REDIC1: variants seen among roughly 807,000 people sequenced by gnomAD.
REDIC1 encodes the protein HEI10 Interacting Protein 1.
At chr12:39,831,658 T>C in the REDIC1 span, among the ~76,000 whole-genome samples, 4 of 152,076 alleles carry the variant, frequency 2.6e-5, no homozygotes, top group Non-Finnish European at 5.9e-5. Flanking sequence ...TATTGAATCA[T>C]GGGGGAAAGA....
chr12:39,808,437 T>C, the REDIC1 span, among the ~76,000 whole-genome samples: 17 of 152,246 alleles, frequency 1.1e-4, no homozygotes, highest in African/African-American at 4.1e-4. Flanking sequence ...GTTGGACACA[T>C]TTTATTTCAT....
At chr12:39,900,580 T>G in the REDIC1 span, among the ~76,000 whole-genome samples, 5 of 151,978 alleles carry the variant, frequency 3.3e-5, no homozygotes, top group African/African-American at 1.2e-4. Flanking sequence ...AGTGAACTCC[T>G]ATTCACAATT....
chr12:39,653,539 TTTC>T, the REDIC1 span, among the ~76,000 whole-genome samples: 310 of 56,000 alleles, frequency 5.5e-3, 9 homozygotes, highest in East Asian at 0.013. Context: ...TCTTCTTCTT[TTTC>T]TTCTTCTTCT....
chr12:39,681,610 A>T, the REDIC1 span, among the ~76,000 whole-genome samples: 1 of 152,168 alleles, frequency 6.6e-6, no homozygotes, highest in African/African-American at 2.4e-5. Context: ...GTCTTTTGGT[A>T]TAGCAAAATA....
chr12:39,764,927 C>A, the REDIC1 span: 2 of 1,528,234 alleles, frequency 1.3e-6, no homozygotes, highest in African/African-American at 1.4e-5. Context: ...TCAATATGAT[C>A]ATATTTATGT....
chr12:39,707,554 A>T, the REDIC1 span, among the ~76,000 whole-genome samples: 1 of 151,708 alleles, frequency 6.6e-6, no homozygotes, highest in Non-Finnish European at 1.5e-5. Context: ...AGCTATCTCC[A>T]CTCCCATGTT....
chr12:39,753,881 A>T, the REDIC1 span, among the ~76,000 whole-genome samples: 1 of 152,190 alleles, frequency 6.6e-6, no homozygotes, highest in East Asian at 1.9e-4. Flanking sequence ...TCAGTAATTT[A>T]GGTTACTAGG....
chr12:39,865,333 G>C, the REDIC1 span, among the ~76,000 whole-genome samples: 1 of 152,120 alleles, frequency 6.6e-6, no homozygotes, highest in African/African-American at 2.4e-5. Context: ...GACTTAAATT[G>C]GTAAACCTTT....
At chr12:39,629,596 G>A in the REDIC1 span, among the ~76,000 whole-genome samples, 2 of 152,226 alleles carry the variant, frequency 1.3e-5, no homozygotes, top group East Asian at 1.9e-4. Context: ...TATATAAAAT[G>A]TCTTTTTGTA....
At chr12:39,894,306 G>T in the REDIC1 span, among the ~76,000 whole-genome samples, 5 of 152,140 alleles carry the variant, frequency 3.3e-5, no homozygotes, top group Admixed American at 2.0e-4. Context: ...CTGAGCACTG[G>T]TTATCCACAT....
At chr12:39,646,044 A>G in the REDIC1 span, among the ~76,000 whole-genome samples, 231 of 152,204 alleles carry the variant, frequency 1.5e-3, 1 homozygote, top group Middle Eastern at 6.8e-3. Flanking sequence ...AATATATAAC[A>G]TAGTAACTAA....
chr12:39,876,283 T>C, the REDIC1 span, among the ~76,000 whole-genome samples: 5 of 152,146 alleles, frequency 3.3e-5, no homozygotes, highest in Non-Finnish European at 5.9e-5. Flanking sequence ...CAGAAACATA[T>C]AGGCTTTGGA....
At chr12:39,641,441 A>G in the REDIC1 span, among the ~76,000 whole-genome samples, 47 of 151,906 alleles carry the variant, frequency 3.1e-4, no homozygotes, top group South Asian at 1.2e-3. Flanking sequence ...GGATATGTAC[A>G]AGATTTGTTT....
At chr12:39,863,327 A>G in the REDIC1 span, among the ~76,000 whole-genome samples, 1 of 152,130 alleles carries the variant, frequency 6.6e-6, no homozygotes, top group Non-Finnish European at 1.5e-5. Context: ...CAGGAAAACT[A>G]TTTCATTATG....
At chr12:39,716,966 A>C in the REDIC1 span, 1 of 529,738 alleles carries the variant, frequency 1.9e-6, no homozygotes, top group Non-Finnish European at 2.9e-6. Flanking sequence ...TAATATAAAC[A>C]AAAAGGTAAA....
chr12:39,724,885 G>A, the REDIC1 span, among the ~76,000 whole-genome samples: 1 of 151,986 alleles, frequency 6.6e-6, no homozygotes, highest in African/African-American at 2.4e-5. Context: ...AGTGTGAGAA[G>A]CTTTATATGT....
the REDIC1 span, among the ~76,000 whole-genome samples, chr12:39,875,307 G>A: frequency 6.6e-6 from 1 of 152,094 alleles, no homozygotes; most frequent in South Asian, 2.1e-4. Flanking sequence ...CCCTTCCTCA[G>A]TCTTCAAAGC....
chr12:39,896,485 T>G, the REDIC1 span, among the ~76,000 whole-genome samples: 2 of 148,202 alleles, frequency 1.3e-5, no homozygotes, highest in South Asian at 4.2e-4. Flanking sequence ...TATATGTGTA[T>G]ATATGTACAC....
At chr12:39,760,608 T>C in the REDIC1 span, among the ~76,000 whole-genome samples, 5 of 152,008 alleles carry the variant, frequency 3.3e-5, no homozygotes, top group South Asian at 2.1e-4. Context: ...AATATTATAA[T>C]TATGTACACA....
Sources: gnomAD v4.1 joint callset for allele counts (sites outside exome capture counted in the v4.1 genomes callset) on GRCh38, gnomAD v4.1.1 for gene constraint, MANE v1.5 for transcripts, NCBI Gene and HGNC (gene_info 2026-07-23, HGNC 2026-07-21) for gene names.